CATIP: variants seen among roughly 807,000 people sequenced by gnomAD.
The protein encoded by CATIP is ciliogenesis associated TTC17 interacting protein, also known as ciliogenesis-associated TTC17-interacting protein.
A neutral mutation model predicts 42.5 loss-of-function variants in CATIP; 40 were observed. The ratio of observed to expected loss-of-function variants is 0.94; its 90% CI spans 0.73 to 1.22. CATIP has a LOEUF of 1.22. CATIP is among the 50% of genes most tolerant of loss of function. CATIP has a pLI of 0.00. For missense variants in CATIP, 489 were observed against 496.0 expected, an observed-to-expected ratio of 0.99 and a Z score of 0.13; for synonymous variants, 222 against 200.2, an observed-to-expected ratio of 1.11 and a Z score of -0.92.
Position 218,364,636 on chromosome 2 carries a change from G to A in CATIP, c.639G>A (p.Leu213=). Residue 213 remains leucine, a synonymous_variant, in exon 7 of 10, where the codon CTG becomes CTA. Coordinates refer to ENST00000289388, the MANE Select transcript of CATIP (RefSeq NM_198559.2). ...GKLCYLTYQN[L]GFQTIQVDHQ... is the part of the protein sequence containing the mutation. ...ATTTTGGCTGTTGCCAGCAAAACCT[G>A]GGCTTCCAGACCATCCAGGTAGACC... is the stretch of plus-strand genomic sequence containing the variant. 1 of 1,613,616 alleles carries A rather than the reference G, an allele frequency of 6.2e-7. No individual in the cohort carries two copies. Among genetic ancestry groups the A allele is most frequent in the Non-Finnish European group, 8.5e-7 (1 of 1,179,746 alleles).
Position 218,362,803 on chromosome 2 carries a change from C to G in CATIP, c.531C>G (p.Asn177Lys), listed in dbSNP as rs1695280623. Residue 177 changes from asparagine (N) to lysine (K), a missense_variant, in exon 6 of 10, where the codon AAC becomes AAG. Transcript: ENST00000289388. ...AGGGCTTCATCTCAGAGGCTGCCAA[C>G]CTGGTGCTGCTCAGGGTGATGGCCT... ...SIKGFISEAANLVLLRVMAWR... is the reference protein window; with the variant it reads ...SIKGFISEAAKLVLLRVMAWR... The G allele has an allele frequency of 1.2e-6, 2 of 1,614,180 alleles. No homozygotes were observed. Among genetic ancestry groups the G allele is most frequent in the African/African-American group, 1.3e-5 (1 of 75,048 alleles).
At chr2:218,359,870 G>C (rs1229908090) in intron 4 of CATIP, among the ~76,000 whole-genome samples, 1 of 151,670 alleles carries the variant, frequency 6.6e-6, no homozygotes, top group Non-Finnish European at 1.5e-5. Flanking sequence ...TTATCACCCA[G>C]GCTGGAATGC....
intron 4 of CATIP, among the ~76,000 whole-genome samples, chr2:218,360,362 G>T (rs1201072582): frequency 9.9e-5 from 15 of 151,874 alleles, no homozygotes; most frequent in African/African-American, 3.4e-4. Flanking sequence ...GTGTTAGCCA[G>T]GGTGGTCTCA....
chr2:218,357,538 G>A lies in CATIP; in HGVS notation c.123G>A (p.Lys41=). The change falls in exon 3 of 10, where the codon AAG becomes AAA. Residue 41 remains lysine, a synonymous_variant. Coordinates refer to ENST00000289388, the MANE Select transcript of CATIP (RefSeq NM_198559.2). ...CCCACGGGCCCCTCACCCCAGACAA[G>A]GAGGAGCTACAGATGCTGTTCTTCT... ...EAIDFLSSLH[K]EELQMLFFSE... is the part of the protein sequence containing the mutation. 1 of 1,613,706 alleles carries A rather than the reference G, an allele frequency of 6.2e-7. No individual in the cohort carries two copies. The highest frequency in any genetic ancestry group is 8.5e-7 in the Non-Finnish European group (1 of 1,179,912).
intron 5 of CATIP, among the ~76,000 whole-genome samples, 170 bp downstream of exon 5, chr2:218,360,829 GTT>G (rs779798449): frequency 1.9e-4 from 26 of 137,404 alleles, no homozygotes; most frequent in Admixed American, 2.2e-4. Context: ...GGCACAGCTT[GTT>G]TTTTTTTTTT....
Position 218,367,528 on chromosome 2 carries a change from G to C in CATIP, c.921+10G>C. ...GTTCCTGGACCGGAAGGTGAGGGGA[G>C]GCTCCACCAGCCTGGGGTTCCCATT... On this transcript the variant is annotated intron_variant, in intron 9 of 9. Coordinates refer to ENST00000289388, the MANE Select transcript of CATIP (RefSeq NM_198559.2). 1.2e-6 allele frequency: 2 copies of C among 1,613,802 alleles called. No individual in the cohort carries two copies. The highest frequency in any genetic ancestry group is 1.3e-5 in the African/African-American group (1 of 75,046).
chr2:218,360,083 C>T (rs182665367), intron 4 of CATIP, among the ~76,000 whole-genome samples: 1,763 of 152,152 alleles, frequency 0.012, 37 homozygotes, highest in African/African-American at 0.04. Context: ...GCCTGGGCCT[C>T]CCAAAGTGCT....
intron 2 of CATIP, 73 bp downstream of exon 2, chr2:218,357,260 T>TCC: frequency 1.6e-5 from 6 of 386,630 alleles, no homozygotes; most frequent in Non-Finnish European, 2.4e-5. Flanking sequence ...GAAAGTCCAG[T>TCC]CTCTCTCTCT....
chr2:218,357,815 A>T, intron 3 of CATIP, 81 bp downstream of exon 3: 1 of 1,465,658 alleles, frequency 6.8e-7, no homozygotes, highest in South Asian at 1.2e-5. Flanking sequence ...ATCTTTTTTC[A>T]GGACCAAGCC....
intron 6 of CATIP, 109 bp downstream of exon 6, chr2:218,363,011 G>T (rs1695289837): frequency 5.4e-6 from 6 of 1,111,446 alleles, no homozygotes; most frequent in Non-Finnish European, 6.3e-6. Context: ...GGCAGGTGGG[G>T]AGAAAACAGC....
At chr2:218,363,204 G>C (rs961592733) in intron 6 of CATIP, among the ~76,000 whole-genome samples, 4 of 152,112 alleles carry the variant, frequency 2.6e-5, no homozygotes, top group African/African-American at 9.7e-5. Flanking sequence ...TTTTGGGCCA[G>C]GTGTGGTGGC....
Position 218,367,004 on chromosome 2 carries a change from C to T in CATIP, c.756-20C>T, listed in dbSNP as rs746136574. ...CGGTCTGGGAAGATTCTCACTCTCA[C>T]ATGTTGTGTTGCACTCCAGGCACCT... On this transcript the variant is annotated intron_variant, in intron 7 of 9. Coordinates refer to ENST00000289388, the MANE Select transcript of CATIP (RefSeq NM_198559.2). 3.8e-6 allele frequency: 6 copies of T among 1,599,048 alleles called. No individual in the cohort carries two copies. The South Asian group carries it at 4.4e-5, about 12-fold the overall frequency.
chr2:218,362,352 CAAAA>C (rs57836370), intron 5 of CATIP, among the ~76,000 whole-genome samples: 4 of 78,486 alleles, frequency 5.1e-5, no homozygotes, highest in Admixed American at 1.6e-4. Context: ...GACCCTGTCT[CAAAA>C]AAAAAAAAAA....
At chr2:218,367,174 A>C in intron 8 of CATIP, 74 bp downstream of exon 8, 1 of 1,167,372 alleles carries the variant, frequency 8.6e-7, no homozygotes, top group Non-Finnish European at 1.3e-6. Context: ...TCCAGGATGC[A>C]GGGGGCTGGA....
intron 5 of CATIP, among the ~76,000 whole-genome samples, 171 bp downstream of exon 5, chr2:218,360,830 T>C (rs983300355): frequency 9.7e-6 from 1 of 103,602 alleles, no homozygotes; most frequent in Non-Finnish European, 2.0e-5. Context: ...GCACAGCTTG[T>C]TTTTTTTTTT....
In CATIP at chr2:218,364,739, C is replaced by G; in HGVS notation, c.742C>G (p.Leu248Val). The G allele has an allele frequency of 6.2e-7, 1 of 1,613,352 alleles. No homozygotes were observed. Among genetic ancestry groups the G allele is most frequent in the Non-Finnish European group, 8.5e-7 (1 of 1,179,640 alleles). Reference protein sequence around the residue: ...EGIPMSCQYYLLSDGHLAKRI... With the variant: ...EGIPMSCQYYVLSDGHLAKRI... ...CATCCCCATGTCCTGCCAGTACTAC[C>G]TGCTCTCCGATGGGTGAGCTGCTGA... The change falls in exon 7 of 10, where the codon CTG (leucine) becomes GTG (valine). Residue 248 changes from leucine to valine, a missense_variant. By Grantham distance (32) the Leu-to-Val change is conservative (BLOSUM62 1). Transcript: ENST00000289388.
At chr2:218,357,361 C>G (rs1036923807) in intron 2 of CATIP, 173 bp from the exon 3 acceptor site, 11 of 709,390 alleles carry the variant, frequency 1.6e-5, no homozygotes, top group Non-Finnish European at 2.5e-5. Context: ...GAAGGCCCCC[C>G]GGGGACATGG....
At chr2:218,362,017 A>AG (rs931619905) in intron 5 of CATIP, among the ~76,000 whole-genome samples, 17 of 94,568 alleles carry the variant, frequency 1.8e-4, no homozygotes, top group African/African-American at 1.5e-3. Context: ...CTCCAGAAAA[A>AG]GGAAAAAAAA....
At chr2:218,357,872 T>C (rs1265169346) in intron 3 of CATIP, 138 bp downstream of exon 3, 2 of 1,093,838 alleles carry the variant, frequency 1.8e-6, no homozygotes, top group African/African-American at 1.5e-5. Context: ...GGGAGAGGGA[T>C]GAGCGAGTTC....
Sources: gnomAD v4.1 joint callset for allele counts (sites outside exome capture counted in the v4.1 genomes callset) on GRCh38, gnomAD v4.1.1 for gene constraint, MANE v1.5 for transcripts, NCBI Gene and HGNC (gene_info 2026-07-23, HGNC 2026-07-21) for gene names.